Variants in GNB4 observed in about 807,000 individuals in gnomAD.
GNB4 encodes the protein guanine nucleotide-binding protein subunit beta-4.
In GNB4, 28 loss-of-function variants were observed where a neutral mutation model predicts 45.2. The ratio of observed to expected loss-of-function variants is 0.62; its 90% confidence interval spans 0.46 to 0.85. The LOEUF is 0.85. Among genes scored for constraint, GNB4 ranks in the 40% least tolerant of loss-of-function variants. GNB4 has a pLI of 0.00. For synonymous variants in GNB4, 132 were observed against 143.7 expected, an observed-to-expected ratio of 0.92 and a Z score of 0.58; for missense variants, 321 against 425.4, an observed-to-expected ratio of 0.75 and a Z score of 2.16.
intron 1 of GNB4, among the ~76,000 whole-genome samples, chr3:179,444,301 A>C (rs897205054): frequency 6.6e-6 from 1 of 152,130 alleles, no homozygotes; most frequent in African/African-American, 2.4e-5. Context: ...CTGTTCATAA[A>C]TTTTAATTCC....
chr3:179,405,490 A>C, intron 8 of GNB4, 84 bp from the exon 9 acceptor site: 1 of 964,158 alleles, frequency 1.0e-6, no homozygotes, highest in Non-Finnish European at 1.5e-6. Context: ...AATCTAGATT[A>C]ATATTCCAAC....
rs1714755464 is a variant in GNB4 at position 179,414,992 on chromosome 3, G to A, written c.323C>T (p.Ser108Phe). 1.2e-6 allele frequency: 2 copies of A among 1,611,926 alleles called. No homozygotes were observed. The highest frequency in any genetic ancestry group is 4.5e-5 in the East Asian group (2 of 44,876). ...SWVMTCAYAPSGNYVACGGLD... is the reference protein window; with the variant it reads ...SWVMTCAYAPFGNYVACGGLD... ...GCCTCCACAGGCAACATAATTACCAGAGGGAGCATAAGCACAGGTCATCAC... is the reference window on the plus strand; with the variant it reads ...GCCTCCACAGGCAACATAATTACCAAAGGGAGCATAAGCACAGGTCATCAC... Residue 108 changes from serine to phenylalanine, a missense_variant, in exon 6 of 10, where the codon TCT becomes TTT. Ser to Phe is a radical substitution (Grantham distance 155). Transcript: ENST00000232564.
intron 8 of GNB4, among the ~76,000 whole-genome samples, chr3:179,411,970 A>G (rs970853843): frequency 3.3e-5 from 5 of 152,154 alleles, no homozygotes; most frequent in African/African-American, 1.2e-4. Context: ...GCAGTATCCT[A>G]CCTTCTTTTA....
the GNB4 span, among the ~76,000 whole-genome samples, chr3:179,491,068 A>G: frequency 6.6e-6 from 1 of 152,218 alleles, no homozygotes; most frequent in Non-Finnish European, 1.5e-5. Context: ...TTTTTAAAGC[A>G]GCTATTATAA....
At chr3:179,440,876 T>TAGAGAGAGAGAG (rs1358506608) in intron 1 of GNB4, among the ~76,000 whole-genome samples, 168 of 110,700 alleles carry the variant, frequency 1.5e-3, no homozygotes, top group Middle Eastern at 8.2e-3. Context: ...TATATATAGA[T>TAGAGAGAGAGAG]AGATAGAGAG....
intron 1 of GNB4, among the ~76,000 whole-genome samples, chr3:179,439,513 G>C (rs967613652): frequency 6.6e-6 from 1 of 151,966 alleles, no homozygotes; most frequent in Non-Finnish European, 1.5e-5. Flanking sequence ...AAATCCTTGT[G>C]GGCCCCGAGA....
At chr3:179,498,831 T>C in the GNB4 span, among the ~76,000 whole-genome samples, 110 of 146,422 alleles carry the variant, frequency 7.5e-4, 3 homozygotes, top group Admixed American at 7.6e-3. Flanking sequence ...GTTTGTTACA[T>C]AAGTACACAT....
At chr3:179,423,206 C>T (rs151108631) in intron 2 of GNB4, among the ~76,000 whole-genome samples, 21 of 152,240 alleles carry the variant, frequency 1.4e-4, no homozygotes, top group Admixed American at 2.6e-4. Flanking sequence ...CCTGCGCCCA[C>T]GACATTGTGC....
the GNB4 span, among the ~76,000 whole-genome samples, chr3:179,520,234 C>T: frequency 2.6e-3 from 382 of 146,476 alleles, 7 homozygotes; most frequent in Middle Eastern, 0.01. Flanking sequence ...GCTTCACAGA[C>T]AGCCCGCATT....
At chr3:179,508,368 G>A in the GNB4 span, among the ~76,000 whole-genome samples, 1 of 152,190 alleles carries the variant, frequency 6.6e-6, no homozygotes, top group Non-Finnish European at 1.5e-5. Context: ...CATGGGCACA[G>A]CAGACCCCTC....
At chr3:179,454,915 A>G (rs1236314455), upstream of GNB4, among the ~76,000 whole-genome samples, 6 of 152,220 alleles carry the variant, frequency 3.9e-5, no homozygotes, top group Admixed American at 3.9e-4. Context: ...CATGAGAAGC[A>G]ATTCCCTAGT....
At chr3:179,439,019 G>A (rs1715530411) in intron 1 of GNB4, among the ~76,000 whole-genome samples, 1 of 152,188 alleles carries the variant, frequency 6.6e-6, no homozygotes, top group African/African-American at 2.4e-5. Context: ...TTCTCAGAGT[G>A]TGGGGACCAG....
chr3:179,459,178 A>G, the GNB4 span, among the ~76,000 whole-genome samples: 2 of 152,322 alleles, frequency 1.3e-5, no homozygotes, highest in East Asian at 1.9e-4. Context: ...CCAACCCCCC[A>G]TCTTCAAGTC....
chr3:179,487,684 TTTTGTTTG>T, the GNB4 span, among the ~76,000 whole-genome samples: 1 of 152,098 alleles, frequency 6.6e-6, no homozygotes, highest in Non-Finnish European at 1.5e-5. Flanking sequence ...CCACAAGGTT[TTTTGTTTG>T]TTTGTTTGTT....
the GNB4 span, among the ~76,000 whole-genome samples, chr3:179,521,027 C>T: frequency 3.3e-5 from 5 of 152,206 alleles, no homozygotes; most frequent in African/African-American, 1.2e-4. Flanking sequence ...GTTCAGGCCC[C>T]CTCCCTTCCC....
chr3:179,482,522 T>G, the GNB4 span, among the ~76,000 whole-genome samples: 1 of 152,196 alleles, frequency 6.6e-6, no homozygotes, highest in Non-Finnish European at 1.5e-5. Context: ...ACATTTATTT[T>G]GTAAAAGATA....
chr3:179,467,697 A>G, the GNB4 span, among the ~76,000 whole-genome samples: 412 of 152,332 alleles, frequency 2.7e-3, 2 homozygotes, highest in African/African-American at 9.4e-3. Context: ...CATAGTAGGC[A>G]TTAAATAAAC....
intron 8 of GNB4, among the ~76,000 whole-genome samples, chr3:179,411,709 C>A (rs746132580): frequency 6.6e-6 from 1 of 152,168 alleles, no homozygotes; most frequent in African/African-American, 2.4e-5. Context: ...GGTTGGCCTA[C>A]GGCAAAGAGG....
chr3:179,503,614 G>A, the GNB4 span, among the ~76,000 whole-genome samples: 19 of 152,186 alleles, frequency 1.2e-4, no homozygotes, highest in African/African-American at 4.1e-4. Context: ...GAACAGCTTT[G>A]ATTTTCTGTT....
Sources: allele counts gnomAD v4.1 joint callset (sites outside exome capture counted in the v4.1 genomes callset), GRCh38; gene constraint gnomAD v4.1.1; transcripts MANE v1.5; gene names NCBI Gene and HGNC (gene_info 2026-07-23, HGNC 2026-07-21).